The following CKAP2L variants were observed in gnomAD, a reference collection of about 807,000 sequenced individuals.
CKAP2L encodes the protein cytoskeleton-associated protein 2-like.
Under a neutral mutation model 65.7 loss-of-function variants are expected in CKAP2L, and 42 were observed. The observed-to-expected ratio is 0.64, with a 90% CI of 0.50 to 0.83. The LOEUF (loss-of-function observed/expected upper bound fraction) is 0.83, where lower values mean the gene tolerates loss of function less well. Among genes scored for constraint, CKAP2L ranks in the 40% least tolerant of loss-of-function variants. The pLI is 0.00. For synonymous variants in CKAP2L, 325 were observed against 313.5 expected (o/e 1.04, Z -0.39); for missense variants, 908 against 871.0 (o/e 1.04, Z -0.53).
At chr2:112,747,014 C>T (rs1003663549) in intron 5 of CKAP2L, among the ~76,000 whole-genome samples, 61 of 152,102 alleles carry the variant, frequency 4.0e-4, no homozygotes, top group Non-Finnish European at 7.6e-4. Flanking sequence ...TGGTCTTGAT[C>T]TCCTGACCTC....
intron 3 of CKAP2L, among the ~76,000 whole-genome samples, chr2:112,759,204 G>T (rs1194230544): frequency 6.6e-6 from 1 of 151,420 alleles, no homozygotes; most frequent in Non-Finnish European, 1.5e-5. Context: ...AGATAGTTTT[G>T]ATTTATGCCT....
At chr2:112,751,240 C>G (rs1435787346) in intron 5 of CKAP2L, among the ~76,000 whole-genome samples, 3 of 152,148 alleles carry the variant, frequency 2.0e-5, no homozygotes, top group Non-Finnish European at 4.4e-5. Context: ...CCTAAGTCAG[C>G]ATAACATTGG....
At chr2:112,755,936 A>G (rs765799190) in intron 4 of CKAP2L, 41 bp downstream of exon 4, 50 of 1,514,892 alleles carry the variant, frequency 3.3e-5, no homozygotes, top group Non-Finnish European at 4.2e-5. Context: ...AATTTGCCTA[A>G]TCATCTTAAG....
intron 3 of CKAP2L, among the ~76,000 whole-genome samples, chr2:112,759,150 G>A (rs1680633954): frequency 6.6e-6 from 1 of 152,150 alleles, no homozygotes; most frequent in African/African-American, 2.4e-5. Flanking sequence ...AATAGTAAAA[G>A]TATCTATTAT....
intron 4 of CKAP2L, among the ~76,000 whole-genome samples, chr2:112,754,704 T>C (rs565071028): frequency 3.9e-5 from 6 of 152,222 alleles, no homozygotes; most frequent in African/African-American, 1.4e-4. Context: ...CTAGACTCCT[T>C]CTCTTTTGTA....
At chr2:112,754,910 G>A (rs1680484638) in intron 4 of CKAP2L, among the ~76,000 whole-genome samples, 1 of 152,186 alleles carries the variant, frequency 6.6e-6, no homozygotes, top group Admixed American at 6.5e-5. Context: ...CTCAGACATT[G>A]CTGTTGAAAG....
At chr2:112,742,347 G>A in intron 7 of CKAP2L, 2 of 715,458 alleles carry the variant, frequency 2.8e-6, no homozygotes, top group East Asian at 2.7e-5. Context: ...AAATTTAGAT[G>A]AGTATGTTGG....
rs3811039 is a variant in CKAP2L, at chr2:112,738,943, T to A, written c.2118A>T (p.Glu706Asp). The change falls in exon 9 of 9, where the codon GAA (glutamate) becomes GAT (aspartate). Residue 706 changes from glutamate (E) to aspartate (D), a missense_variant. Physicochemically the swap from Glu to Asp is conservative, Grantham distance 45. Coordinates refer to ENST00000302450, the MANE Select transcript of CKAP2L (RefSeq NM_152515.5). ...AVSRYPEMLQ[E>D]HDLVVASLDE... ...CAAGAGAAGCCACTACTAAATCGTG[T>A]TCCTGCAGCATTTCTGGGTAGCGGG... 4.4e-4 allele frequency: 712 copies of A among 1,614,226 alleles called. 15 individuals are homozygous for A. The East Asian group carries it at 0.016, about 36-fold the overall frequency.
chr2:112,762,451 C>G (rs1680753618), intron 2 of CKAP2L, 52 bp downstream of exon 2: 6 of 1,353,562 alleles, frequency 4.4e-6, no homozygotes, highest in African/African-American at 1.4e-5. Context: ...CTTTAAATTG[C>G]TAGTACAAAG....
At chr2:112,743,586 C>T (rs1048750314) in intron 6 of CKAP2L, among the ~76,000 whole-genome samples, 13 of 151,970 alleles carry the variant, frequency 8.6e-5, no homozygotes, top group African/African-American at 2.9e-4. Context: ...TACAGGCATG[C>T]GCCACCCCAT....
Position 112,756,425 on chromosome 2 carries a change from T to C in CKAP2L, c.946A>G (p.Thr316Ala). 1 of 1,613,994 alleles carries C rather than the reference T, an allele frequency of 6.2e-7. No individual in the cohort carries two copies. The highest frequency in any genetic ancestry group is 8.5e-7 in the Non-Finnish European group (1 of 1,179,952). Residue 316 changes from threonine (T) to alanine (A), a missense_variant, in exon 4 of 9, where the codon ACT becomes GCT. Thr to Ala is a moderately conservative substitution (Grantham distance 58). Transcript: ENST00000302450. ...NRSQYERPNE[T>A]KIRSYPVTEQ... is the part of the protein sequence containing the mutation. ...GTAACAGGGTATGACCGTATCTTAG[T>C]TTCATTTGGTCTTTCATATTGACTC...
At chr2:112,752,172 G>T in intron 5 of CKAP2L, 95 bp downstream of exon 5, 1 of 841,198 alleles carries the variant, frequency 1.2e-6, no homozygotes, top group Non-Finnish European at 1.9e-6. Context: ...TTTCTACTTA[G>T]ATGAAGGCTA....
At chr2:112,755,382 C>T (rs558485800) in intron 4 of CKAP2L, among the ~76,000 whole-genome samples, 31 of 152,214 alleles carry the variant, frequency 2.0e-4, no homozygotes, top group African/African-American at 4.8e-4. Context: ...TCAGGTGATC[C>T]GCTCACCTCG....
chr2:112,755,531 C>G (rs905361833), intron 4 of CKAP2L, among the ~76,000 whole-genome samples: 2 of 152,096 alleles, frequency 1.3e-5, no homozygotes, highest in African/African-American at 4.8e-5. Context: ...CTCAGACTCA[C>G]GGAAGTTTCT....
intron 4 of CKAP2L, among the ~76,000 whole-genome samples, 172 bp from the exon 5 acceptor site, chr2:112,752,646 C>T (rs1030257217): frequency 2.6e-5 from 4 of 152,248 alleles, no homozygotes; most frequent in Middle Eastern, 3.4e-3. Context: ...CATTGGGTTG[C>T]GCCCACCCAC....
chr2:112,743,940 T>A (rs906211091), intron 6 of CKAP2L, among the ~76,000 whole-genome samples: 9 of 152,196 alleles, frequency 5.9e-5, no homozygotes, highest in African/African-American at 2.2e-4. Flanking sequence ...AAAATTATAG[T>A]TGGAGGTTTG....
intron 5 of CKAP2L, among the ~76,000 whole-genome samples, chr2:112,749,900 C>G (rs1052794768): frequency 4.6e-5 from 7 of 152,118 alleles, no homozygotes; most frequent in Non-Finnish European, 1.0e-4. Flanking sequence ...TTGCTTCTTC[C>G]TATTTGCTTT....
chr2:112,764,563 G>A lies in CKAP2L; in HGVS notation c.36C>T (p.Val12=), dbSNP rs776883475. The part of the protein sequence containing the change: ...VGPGPTAAAA[V]EERQRKLQEY... Reference sequence around the variant, plus strand: ...AACGGGAACAGCGGTCGTACTCACCGACAGCGGCAGCAGCGGTAGGCCCGG... The same window carrying A: ...AACGGGAACAGCGGTCGTACTCACCAACAGCGGCAGCAGCGGTAGGCCCGG... The change falls in exon 1 of 9, where the codon GTC becomes GTT. Residue 12 remains valine, a splice_region_variant and synonymous_variant. Transcript: ENST00000302450. 1 of 1,614,136 alleles carries A rather than the reference G, an allele frequency of 6.2e-7. No individual in the cohort carries two copies. Among genetic ancestry groups the A allele is most frequent in the South Asian group, 1.1e-5 (1 of 91,080 alleles).
At position 112,738,877 on chromosome 2, in the gene CKAP2L, G is replaced by C. The variant is rs759523590; in HGVS notation, c.2184C>G (p.Phe728Leu). The C allele has an allele frequency of 1.2e-6, 2 of 1,613,838 alleles. No homozygotes were observed. The highest frequency in any genetic ancestry group is 2.2e-5 in the East Asian group (1 of 44,894). Residue 728 changes from phenylalanine (F) to leucine (L), a missense_variant, in exon 9 of 9, where the codon TTC (phenylalanine) becomes TTG (leucine). By Grantham distance (22) the Phe-to-Leu change is conservative (BLOSUM62 0). Transcript: ENST00000302450. ...TTACAGGCAGCGCCTCATTTCTACG[G>C]AATATAAAACATTTTGTTTCTTCCA... Reference protein sequence around the residue: ...LEVEETKCFIFRRNEALPVTL... With the variant: ...LEVEETKCFILRRNEALPVTL...
Sources: allele counts gnomAD v4.1 joint callset (sites outside exome capture counted in the v4.1 genomes callset), GRCh38; gene constraint gnomAD v4.1.1; transcripts MANE v1.5; gene names NCBI Gene and HGNC (gene_info 2026-07-23, HGNC 2026-07-21).